GTF3C3: variants seen among roughly 807,000 people sequenced by gnomAD.
GTF3C3 encodes general transcription factor 3C polypeptide 3.
GTF3C3 carries 75 observed loss-of-function variants against 105.2 expected under a neutral mutation model. The ratio of observed to expected loss-of-function variants is 0.71; its 90% CI spans 0.59 to 0.86. The LOEUF is 0.86. Ranked by LOEUF, GTF3C3 falls within the 40% of genes least tolerant of loss-of-function variation. The pLI is 0.00. For synonymous variants in GTF3C3, 335 were observed against 370.4 expected (o/e 0.90, Z 1.10); for missense variants, 856 against 1,076.5 (o/e 0.80, Z 2.87).
In GTF3C3 at chr2:196,785,557, CA is replaced by C; in HGVS notation, c.924del (p.Ala309LeufsTer4). 6.2e-7 allele frequency: 1 copy of C among 1,607,128 alleles called. No homozygotes were observed. The highest frequency in any genetic ancestry group is 8.5e-7 in the Non-Finnish European group (1 of 1,174,554). The stretch of plus-strand genomic sequence containing the variant: ...AAAGCTTCATCAATTATGTTAATAG[CA>C]GAAGTAACATCATTGGCTTCATAGT... ...KSYYEANDVT[S>X]AINIIDEAFS... On this transcript the variant is annotated frameshift_variant, in exon 7 of 18. Transcript: ENST00000263956. LOFTEE classifies it high-confidence loss of function.
intron 3 of GTF3C3, 46 bp downstream of exon 3, chr2:196,792,910 T>C (rs767931515): frequency 1.6e-5 from 21 of 1,300,752 alleles, no homozygotes; most frequent in Non-Finnish European, 2.3e-5. Context: ...AATTACTATG[T>C]CACTTTCTTC....
chr2:196,781,353 A>AAAAT (rs1553578869), intron 8 of GTF3C3, among the ~76,000 whole-genome samples: 3 of 23,130 alleles, frequency 1.3e-4, no homozygotes, highest in African/African-American at 2.6e-4. Flanking sequence ...AAAAAAAAAA[A>AAAAT]AAAAATATAT....
chr2:196,789,390 ATTAT>A (rs1308832476), intron 5 of GTF3C3, 21 bp from the exon 6 acceptor site: 2 of 1,546,632 alleles, frequency 1.3e-6, no homozygotes, highest in Non-Finnish European at 1.8e-6. Flanking sequence ...AGAAATACAA[ATTAT>A]TTACCACAAA....
intron 10 of GTF3C3, chr2:196,778,053 A>C (rs1259981683): frequency 1.3e-5 from 2 of 152,328 alleles, no homozygotes; most frequent in South Asian, 2.1e-4. Flanking sequence ...TTCCTAGCTC[A>C]TATCTGTGAT....
intron 17 of GTF3C3, 102 bp from the exon 18 acceptor site, chr2:196,764,787 A>T: frequency 9.7e-7 from 1 of 1,031,812 alleles, no homozygotes; most frequent in Non-Finnish European, 1.4e-6. Context: ...AGTTTTCAAA[A>T]GGTATTAAAG....
chr2:196,766,442 C>T, intron 17 of GTF3C3, 123 bp downstream of exon 17: 1 of 709,110 alleles, frequency 1.4e-6, no homozygotes. Context: ...ATTACGTAAA[C>T]ATACTGAATA....
intron 3 of GTF3C3, among the ~76,000 whole-genome samples, chr2:196,792,635 T>C (rs1368410911): frequency 6.6e-6 from 1 of 152,122 alleles, no homozygotes; most frequent in Non-Finnish European, 1.5e-5. Flanking sequence ...ATTTATTGTG[T>C]TGTACTGTAT....
In GTF3C3 at chr2:196,773,139, G is replaced by A. The variant is rs1699204511; in HGVS notation, c.1846C>T (p.Leu616Phe). 1 of 1,599,410 alleles carries A rather than the reference G, an allele frequency of 6.3e-7. No homozygotes were observed. The highest frequency in any genetic ancestry group is 1.1e-5 in the South Asian group (1 of 88,868). ...TCATCCTTTGTCAAGACGCTTGTGA[G>A]CACAGCAAATATTGCTAAAATGAGA... Reference protein sequence around the residue: ...NCDAKAIFAVLTSVLTKDDWW... With the variant: ...NCDAKAIFAVFTSVLTKDDWW... Residue 616 changes from leucine (L) to phenylalanine (F), a missense_variant, in exon 14 of 18, where the codon CTC becomes TTC. Around this residue, in one of 3 missense-constraint regions of GTF3C3, gnomAD observed 605 missense variants for 833.6 expected, o/e 0.73. Coordinates refer to ENST00000263956, the MANE Select transcript of GTF3C3 (RefSeq NM_012086.5).
In GTF3C3 at chr2:196,764,805, AC is replaced by A. The variant is rs1202925381; in HGVS notation, c.2539-121del. On this transcript the variant is annotated intron_variant, in intron 17 of 17. Coordinates refer to ENST00000263956, the MANE Select transcript of GTF3C3 (RefSeq NM_012086.5). ...TTTCAAAAGGTATTAAAGCTCATGTACTAAAAAAAAATTATAAAACTATGCA... is the reference window on the plus strand; with the variant it reads ...TTTCAAAAGGTATTAAAGCTCATGTATAAAAAAAAATTATAAAACTATGCA... 6.5e-4 allele frequency: 496 copies of A among 760,210 alleles called. 2 individuals carry two copies. Among genetic ancestry groups the A allele is most frequent in the African/African-American group, 4.6e-3 (226 of 49,506 alleles). 47.1% of individuals were successfully genotyped at this position (760,210 alleles called of 1,614,324 possible). A position where few individuals can be genotyped will look rare whatever the true frequency, so the allele number is the denominator to read the frequency against.
At chr2:196,793,704 A>C (rs1166869206) in intron 2 of GTF3C3, among the ~76,000 whole-genome samples, 1 of 152,186 alleles carries the variant, frequency 6.6e-6, no homozygotes, top group Non-Finnish European at 1.5e-5. Flanking sequence ...GTATATATAC[A>C]CTTAGAATGC....
In GTF3C3 at chr2:196,769,008, T is replaced by C. The variant is rs1158699760; in HGVS notation, c.2385+907A>G. Among the ~76,000 whole-genome samples the C allele has an allele frequency of 5.9e-5, 9 of 152,096 alleles. No individual in the cohort carries two copies. In the East Asian group the frequency reaches 1.5e-3, roughly 26 times the overall value. On this transcript the variant is annotated intron_variant, in intron 16 of 17. Coordinates refer to ENST00000263956, the MANE Select transcript of GTF3C3 (RefSeq NM_012086.5). ...ATCCTACATTACTTAGTACAGCAAA[T>C]AGTATCCATTAAGGAAGAAAAAGAA...
chr2:196,793,585 C>A (rs1699590126), intron 2 of GTF3C3, among the ~76,000 whole-genome samples: 1 of 152,102 alleles, frequency 6.6e-6, no homozygotes, highest in African/African-American at 2.4e-5. Context: ...GCTGTGCAAC[C>A]TAGGGGAAAT....
At chr2:196,792,742 G>A (rs1699572964) in intron 3 of GTF3C3, among the ~76,000 whole-genome samples, 1 of 152,138 alleles carries the variant, frequency 6.6e-6, no homozygotes, top group Non-Finnish European at 1.5e-5. Context: ...AGCCTCCGGA[G>A]CAGCTGGGCT....
chr2:196,789,310 G>C lies in GTF3C3; in HGVS notation c.787C>G (p.Gln263Glu). ...ATGGCCATTTTATGATCACCCATCT[G>C]TTCATAAAGGCTTGATCGCTCCCAC... ...YLWERSSLYE[Q>E]MGDHKMAMDG... The change falls in exon 6 of 18, where the codon CAG becomes GAG. Residue 263 changes from glutamine (Q) to glutamate (E), a missense_variant. By Grantham distance (29) the Gln-to-Glu change is conservative (BLOSUM62 2). Around this residue, in one of 3 missense-constraint regions of GTF3C3, gnomAD observed 605 missense variants for 833.6 expected, o/e 0.73. Transcript: ENST00000263956. The C allele has an allele frequency of 1.2e-6, 2 of 1,613,064 alleles. No homozygotes were observed. Among genetic ancestry groups the C allele is most frequent in the Non-Finnish European group, 1.7e-6 (2 of 1,179,372 alleles).
chr2:196,773,454 A>G (rs1443606114), intron 13 of GTF3C3, among the ~76,000 whole-genome samples: 3 of 152,132 alleles, frequency 2.0e-5, no homozygotes, highest in Non-Finnish European at 2.9e-5. Context: ...TATCTCCTCC[A>G]GGGTAGAACA....
Position 196,764,669 on chromosome 2 carries a change from T to C in GTF3C3, c.2555A>G (p.Gln852Arg), listed in dbSNP as rs766951849. ...PLVVEGIELD[Q>R]LDLRRDIAYN... The stretch of plus-strand genomic sequence containing the variant: ...GGCAATATCTCTTCGTAAGTCTAAC[T>C]GGTCAAGTTCTATACCCTAGGGAGA... The change falls in exon 18 of 18, where the codon CAG becomes CGG. Residue 852 changes from glutamine (Q) to arginine (R), a missense_variant. Coordinates refer to ENST00000263956, the MANE Select transcript of GTF3C3 (RefSeq NM_012086.5). 1.4e-5 allele frequency: 22 copies of C among 1,611,928 alleles called. No homozygotes were observed. Among genetic ancestry groups the C allele is most frequent in the African/African-American group, 2.7e-5 (2 of 74,890 alleles).
chr2:196,774,342 ATAC>A (rs571495398), intron 13 of GTF3C3, among the ~76,000 whole-genome samples: 112 of 152,382 alleles, frequency 7.3e-4, no homozygotes, highest in Middle Eastern at 3.4e-3. Context: ...ATCCAATGGA[ATAC>A]TACACATTCC....
rs1390472557 is a variant in GTF3C3, at chr2:196,764,505, C to CAGA, written c.*55_*57dup. ...GAGTTACAAATAATAAGCCCTGAGA[C>CAGA]AGAAGACACTGGTCCTCACACAGCA... On this transcript the variant is annotated 3_prime_UTR_variant, in exon 18 of 18. Coordinates refer to ENST00000263956, the MANE Select transcript of GTF3C3 (RefSeq NM_012086.5). The CAGA allele has an allele frequency of 6.7e-7, 1 of 1,498,604 alleles. No individual in the cohort carries two copies. The highest frequency in any genetic ancestry group is 1.4e-5 in the South Asian group (1 of 73,678). 92.8% of individuals were successfully genotyped at this position (1,498,604 alleles called of 1,614,324 possible).
chr2:196,787,457 T>C (rs1699471214), intron 6 of GTF3C3, among the ~76,000 whole-genome samples: 1 of 152,224 alleles, frequency 6.6e-6, no homozygotes, highest in Non-Finnish European at 1.5e-5. Context: ...CTCTCTGCAC[T>C]GCTCCCCTTA....
Sources: gnomAD v4.1 joint callset for allele counts (sites outside exome capture counted in the v4.1 genomes callset) on GRCh38, gnomAD v4.1.1 for gene constraint, gnomAD v4.1.1 regional missense constraint, MANE v1.5 for transcripts, NCBI Gene and HGNC (gene_info 2026-07-23, HGNC 2026-07-21) for gene names.